Variants in TAS2R1 observed in about 807,000 individuals in gnomAD.
TAS2R1 encodes taste 2 receptor member 1.
For synonymous variants in TAS2R1, 141 were observed against 134.2 expected (o/e 1.05, Z -0.35); for missense variants, 370 against 353.4 (o/e 1.05, Z -0.38).
rs767176914 is a variant in TAS2R1 at position 9,629,333 on chromosome 5, G to C, written c.700C>G (p.Leu234Val). The C allele has an allele frequency of 6.2e-7, 1 of 1,613,786 alleles. No homozygotes were observed. The highest frequency in any genetic ancestry group is 8.5e-7 in the Non-Finnish European group (1 of 1,179,872). ...ISALLSILSFLILYFSHCMIK... is the reference protein window; with the variant it reads ...ISALLSILSFVILYFSHCMIK... ...ATGCAGTGGGAGAAGTAGAGGATCAGGAAGGACAGGATAGACAGCAACGCG... is the reference window on the plus strand; with the variant it reads ...ATGCAGTGGGAGAAGTAGAGGATCACGAAGGACAGGATAGACAGCAACGCG... Residue 234 changes from leucine (L) to valine (V), a missense_variant, in exon 1 of 1, where the codon CTG becomes GTG. Coordinates refer to ENST00000382492, the MANE Select transcript of TAS2R1 (RefSeq NM_019599.3).
chr5:9,767,624 G>T, the TAS2R1 span, among the ~76,000 whole-genome samples: 1 of 152,052 alleles, frequency 6.6e-6, no homozygotes. Flanking sequence ...TGACAGCCAG[G>T]GTCACCCATT....
chr5:9,832,283 CAAGT>C, the TAS2R1 span, among the ~76,000 whole-genome samples: 1 of 152,306 alleles, frequency 6.6e-6, no homozygotes, highest in Non-Finnish European at 1.5e-5. Flanking sequence ...TATTCACATA[CAAGT>C]AAGGTGCAGA....
chr5:9,700,758 A>C (rs1741462732), intron 1 of TAS2R1, among the ~76,000 whole-genome samples: 1 of 152,114 alleles, frequency 6.6e-6, no homozygotes, highest in Non-Finnish European at 1.5e-5. Context: ...TGGCCTGTAG[A>C]TGACCGTCTT....
the TAS2R1 span, among the ~76,000 whole-genome samples, chr5:9,803,956 T>C: frequency 2.0e-5 from 3 of 152,118 alleles, no homozygotes; most frequent in African/African-American, 4.8e-5. Flanking sequence ...GCAGACTGGA[T>C]AAGAATTCAC....
chr5:9,846,813 AC>A, the TAS2R1 span, among the ~76,000 whole-genome samples: 1 of 152,318 alleles, frequency 6.6e-6, no homozygotes, highest in African/African-American at 2.4e-5. Flanking sequence ...CCAATTGAAA[AC>A]AAAACCAAGC....
At chr5:9,850,333 G>T in the TAS2R1 span, among the ~76,000 whole-genome samples, 2 of 152,154 alleles carry the variant, frequency 1.3e-5, no homozygotes, top group Non-Finnish European at 2.9e-5. Flanking sequence ...TTATCCCAAA[G>T]CACAGAACAC....
At chr5:9,695,292 A>G (rs1741335335) in intron 1 of TAS2R1, among the ~76,000 whole-genome samples, 1 of 152,190 alleles carries the variant, frequency 6.6e-6, no homozygotes, top group Non-Finnish European at 1.5e-5. Context: ...CCTTCTCAAT[A>G]AAATAATGTT....
At chr5:9,696,448 G>A (rs1188328348) in intron 1 of TAS2R1, among the ~76,000 whole-genome samples, 1 of 151,956 alleles carries the variant, frequency 6.6e-6, no homozygotes, top group Non-Finnish European at 1.5e-5. Flanking sequence ...TGTAATCTCA[G>A]CTACTTGGGA....
chr5:9,891,710 A>G, the TAS2R1 span, among the ~76,000 whole-genome samples: 1 of 152,224 alleles, frequency 6.6e-6, no homozygotes, highest in Admixed American at 6.5e-5. Context: ...CATTCTCTGC[A>G]GATGGAAGCC....
At chr5:9,882,311 G>A in the TAS2R1 span, among the ~76,000 whole-genome samples, 5 of 152,096 alleles carry the variant, frequency 3.3e-5, no homozygotes, top group Admixed American at 6.6e-5. Flanking sequence ...ATAGTATCTC[G>A]TGCCAGTCAG....
chr5:9,694,641 A>G (rs895848457), intron 1 of TAS2R1, among the ~76,000 whole-genome samples: 1 of 152,102 alleles, frequency 6.6e-6, no homozygotes, highest in African/African-American at 2.4e-5. Context: ...CTTTCATGTT[A>G]CCTTATTTTA....
the TAS2R1 span, among the ~76,000 whole-genome samples, chr5:9,791,571 T>C: frequency 6.6e-6 from 1 of 152,138 alleles, no homozygotes; most frequent in Non-Finnish European, 1.5e-5. Flanking sequence ...TCATGGCGCA[T>C]ACCTGTGATT....
chr5:9,840,072 C>T, the TAS2R1 span, among the ~76,000 whole-genome samples: 2 of 152,132 alleles, frequency 1.3e-5, no homozygotes, highest in African/African-American at 4.8e-5. Context: ...GTTTTGGACT[C>T]TTGCTCTCCT....
chr5:9,704,717 T>C (rs1318584788), intron 1 of TAS2R1, among the ~76,000 whole-genome samples: 1 of 152,208 alleles, frequency 6.6e-6, no homozygotes, highest in Non-Finnish European at 1.5e-5. Context: ...AAAACTCTAG[T>C]TTCTCATTCT....
At chr5:9,726,045 T>C in the TAS2R1 span, among the ~76,000 whole-genome samples, 3 of 150,796 alleles carry the variant, frequency 2.0e-5, no homozygotes, top group East Asian at 5.8e-4. Context: ...GGTTTGTGAA[T>C]GCACCAATCG....
the TAS2R1 span, among the ~76,000 whole-genome samples, chr5:9,886,647 T>C: frequency 2.6e-5 from 4 of 152,142 alleles, no homozygotes; most frequent in African/African-American, 4.8e-5. Context: ...TTTTATATAA[T>C]TGTTAAAACA....
At chr5:9,888,009 G>T in the TAS2R1 span, among the ~76,000 whole-genome samples, 1 of 152,100 alleles carries the variant, frequency 6.6e-6, no homozygotes. Context: ...TCAGTACCAG[G>T]TTTAATAAGC....
At chr5:9,779,918 A>G in the TAS2R1 span, among the ~76,000 whole-genome samples, 7 of 152,250 alleles carry the variant, frequency 4.6e-5, no homozygotes, top group Non-Finnish European at 1.0e-4. Flanking sequence ...ATATGCCTGT[A>G]CTTACCCTCA....
chr5:9,766,501 G>A, the TAS2R1 span, among the ~76,000 whole-genome samples: 1 of 152,230 alleles, frequency 6.6e-6, no homozygotes, highest in Non-Finnish European at 1.5e-5. Flanking sequence ...ATGCATTCCT[G>A]CCTGGGGCAG....
Sources: gnomAD v4.1 joint callset for allele counts (sites outside exome capture counted in the v4.1 genomes callset) on GRCh38, gnomAD v4.1.1 for gene constraint, MANE v1.5 for transcripts, NCBI Gene and HGNC (gene_info 2026-07-23, HGNC 2026-07-21) for gene names.